NUP188: variants seen among roughly 807,000 people sequenced by gnomAD.
NUP188 encodes the protein nucleoporin 188, also known as nucleoporin NUP188.
NUP188 carries 97 observed loss-of-function variants against 223.0 expected under a neutral mutation model. The observed-to-expected ratio is 0.43, with a 90% CI of 0.37 to 0.51. The LOEUF (loss-of-function observed/expected upper bound fraction) is 0.51. Ranked by LOEUF, NUP188 falls within the 20% of genes least tolerant of loss-of-function variation. NUP188 has a pLI of 0.00. For synonymous variants in NUP188, 869 were observed against 828.0 expected, an observed-to-expected ratio of 1.05 and a Z score of -0.85; for missense variants, 1,947 against 2,175.6, an observed-to-expected ratio of 0.89 and a Z score of 2.09.
At position 128,958,820 on chromosome 9, in the gene NUP188, G is replaced by T; in HGVS notation, c.391G>T (p.Glu131Ter). ...TCCTCAGATTGCAGATTATTATTAT[G>T]AAGAAAGAACCTGTATTCTTCGTTG... ...LILKIADYYY[E>*]ERTCILRCVL... Residue 131 changes from glutamate to a stop codon, truncating the protein, a stop_gained, in exon 7 of 44, where the codon GAA becomes TAA. Coordinates refer to ENST00000372577, the MANE Select transcript of NUP188 (RefSeq NM_015354.3). LOFTEE classifies it high-confidence loss of function. 1 of 1,586,020 alleles carries T rather than the reference G, an allele frequency of 6.3e-7. No individual in the cohort carries two copies. The highest frequency in any genetic ancestry group is 1.2e-5 in the South Asian group (1 of 86,760).
chr9:128,999,490 C>G, intron 33 of NUP188, 134 bp from the exon 34 acceptor site: 1 of 1,173,776 alleles, frequency 8.5e-7, no homozygotes, highest in Non-Finnish European at 1.2e-6. Flanking sequence ...TCTCTCCCTC[C>G]TCTCCCACTG....
intron 27 of NUP188, among the ~76,000 whole-genome samples, chr9:128,994,061 A>C (rs1182380862): frequency 1.3e-5 from 2 of 152,168 alleles, no homozygotes; most frequent in Non-Finnish European, 2.9e-5. Context: ...GAGTGTTAAA[A>C]GGCTAAATTT....
In NUP188 at chr9:128,958,992, TTTACTC is replaced by T; in HGVS notation, c.466-20_466-15del. 1.3e-6 allele frequency: 2 copies of T among 1,497,044 alleles called. No individual in the cohort carries two copies. The highest frequency in any genetic ancestry group is 1.8e-6 in the Non-Finnish European group (2 of 1,100,174). The allele number at this position is 1,497,044 out of a possible 1,614,324, so 92.7% of individuals were successfully genotyped here. ...TATTTACCTTTTATTCTAGGTATAA[TTTACTC>T]TTTTGATTTTTTAAAGGTTGAATAT... On this transcript the variant is annotated splice_polypyrimidine_tract_variant and intron_variant, in intron 7 of 43. Transcript: ENST00000372577.
At chr9:128,963,811 T>TG (rs1210721416) in intron 8 of NUP188, among the ~76,000 whole-genome samples, 1 of 148,162 alleles carries the variant, frequency 6.7e-6, no homozygotes, top group Non-Finnish European at 1.5e-5. Flanking sequence ...TGTCTTATTG[T>TG]GGGTTTTTTT....
intron 24 of NUP188, 62 bp downstream of exon 24, chr9:128,988,248 TA>T: frequency 6.4e-7 from 1 of 1,574,656 alleles, no homozygotes; most frequent in Middle Eastern, 1.7e-4. Flanking sequence ...TTTTTGCTCA[TA>T]AATACGTATC....
chr9:128,960,253 T>C (rs1358471215), intron 8 of NUP188, among the ~76,000 whole-genome samples: 1 of 150,060 alleles, frequency 6.7e-6, no homozygotes, highest in Non-Finnish European at 1.5e-5. Context: ...GTTTTTTTTG[T>C]TTTTTGTTTT....
At chr9:128,999,379 C>CG in intron 33 of NUP188, 62 bp downstream of exon 33, 1 of 1,585,992 alleles carries the variant, frequency 6.3e-7, no homozygotes, top group Non-Finnish European at 8.6e-7. Context: ...GACAGCCAGG[C>CG]AGGGCTTCCT....
chr9:129,003,219 G>C, intron 37 of NUP188, 98 bp from the exon 38 acceptor site: 2 of 1,416,758 alleles, frequency 1.4e-6, no homozygotes, highest in South Asian at 2.6e-5. Flanking sequence ...CTCAGCATTT[G>C]GGGGCCTGGG....
At position 128,974,262 on chromosome 9, in the gene NUP188, C is replaced by G. The variant is rs144381645; in HGVS notation, c.1203+1013C>G. Among the ~76,000 whole-genome samples the G allele has an allele frequency of 1.4e-3, 213 of 151,622 alleles. 1 individual carries two copies. Among genetic ancestry groups the G allele is most frequent in the African/African-American group, 4.6e-3 (189 of 41,346 alleles). On this transcript the variant is annotated intron_variant, in intron 12 of 43. Transcript: ENST00000372577. Reference sequence around the variant, plus strand: ...CTCAGTATATTGCCCAGGCTGGTCTCAAACTCCAGGACTTCTCACCTCGGC... The same window carrying G: ...CTCAGTATATTGCCCAGGCTGGTCTGAAACTCCAGGACTTCTCACCTCGGC...
At chr9:128,991,290 A>G (rs1025025796) in intron 25 of NUP188, among the ~76,000 whole-genome samples, 2 of 150,910 alleles carry the variant, frequency 1.3e-5, no homozygotes, top group Non-Finnish European at 2.9e-5. Flanking sequence ...CTGTAATCCC[A>G]GTACTTTGGG....
At position 128,982,603 on chromosome 9, in the gene NUP188, A is replaced by G; in HGVS notation, c.1571A>G (p.Asp524Gly). 1 of 1,614,122 alleles carries G rather than the reference A, an allele frequency of 6.2e-7. No individual in the cohort carries two copies. ...PQGTVGQVML[D>G]DRAYLVRWEY... is the part of the protein sequence containing the mutation. ...GGCACTGTGGGCCAAGTAATGTTGGATGATAGGGCATACCTGGTACGCTGG... is the reference window on the plus strand; with the variant it reads ...GGCACTGTGGGCCAAGTAATGTTGGGTGATAGGGCATACCTGGTACGCTGG... The change falls in exon 16 of 44, where the codon GAT becomes GGT. Residue 524 changes from aspartate (D) to glycine (G), a missense_variant. Around this residue, in one of 3 missense-constraint regions of NUP188, gnomAD observed 817 missense variants for 865.8 expected, o/e 0.94. Coordinates refer to ENST00000372577, the MANE Select transcript of NUP188 (RefSeq NM_015354.3).
At chr9:128,997,517 T>G (rs1588290303) in intron 30 of NUP188, among the ~76,000 whole-genome samples, 1 of 152,134 alleles carries the variant, frequency 6.6e-6, no homozygotes, top group East Asian at 1.9e-4. Context: ...GGGAACAGGA[T>G]CTCACTATGT....
At chr9:129,001,861 T>C (rs1319070542) in intron 35 of NUP188, 23 bp from the exon 36 acceptor site, 2 of 1,611,110 alleles carry the variant, frequency 1.2e-6, no homozygotes, top group South Asian at 2.2e-5. Flanking sequence ...TCCATCTCAT[T>C]TCCTGTCTTT....
intron 8 of NUP188, chr9:128,964,214 C>T (rs920667093): frequency 1.4e-5 from 5 of 350,742 alleles, no homozygotes; most frequent in African/African-American, 1.1e-4. Context: ...TGTCTGTTCA[C>T]ATTTTTATCC....
At chr9:129,001,997 A>AG in intron 36 of NUP188, 21 bp downstream of exon 36, 1 of 1,600,792 alleles carries the variant, frequency 6.2e-7, no homozygotes, top group African/African-American at 1.3e-5. Flanking sequence ...GGAGCTTGCC[A>AG]GGAGGCCCAG....
In NUP188 at chr9:128,952,859, C is replaced by A. The variant is rs759674988; in HGVS notation, c.161+13C>A. 28 of 1,606,412 alleles carry A rather than the reference C, an allele frequency of 1.7e-5. No homozygotes were observed. The Admixed American group carries it at 2.2e-4, about 12-fold the overall frequency. On this transcript the variant is annotated intron_variant, in intron 3 of 43. Transcript: ENST00000372577. ...ACAAACCTCCCAGGTATGGCAGTTC[C>A]GGGTGTCTGGTTAAAGTAATTGTCC...
At chr9:128,953,274 C>T (rs574332174) in intron 3 of NUP188, among the ~76,000 whole-genome samples, 2 of 152,240 alleles carry the variant, frequency 1.3e-5, no homozygotes, top group African/African-American at 4.8e-5. Context: ...CCCACAACAC[C>T]CCTTTGAGAT....
At chr9:128,977,659 C>T (rs974874591) in intron 12 of NUP188, among the ~76,000 whole-genome samples, 3 of 151,926 alleles carry the variant, frequency 2.0e-5, no homozygotes, top group Non-Finnish European at 4.4e-5. Flanking sequence ...ATGAGCTGGG[C>T]GTGGTGGTGG....
Position 128,981,390 on chromosome 9 carries a change from G to A in NUP188, c.1516G>A (p.Gly506Arg), listed in dbSNP as rs1842251956. Residue 506 changes from glycine to arginine, a missense_variant and splice_region_variant, in exon 15 of 44, where the codon GGG (glycine) becomes AGG (arginine). Gly to Arg is a moderately radical substitution (Grantham distance 125). Around this residue, in one of 3 missense-constraint regions of NUP188, gnomAD observed 817 missense variants for 865.8 expected, o/e 0.94. Coordinates refer to ENST00000372577, the MANE Select transcript of NUP188 (RefSeq NM_015354.3). ...AACACCCAAACTCCTTTATCCCCTT[G>A]GTGAGATAAAGAGATCCCCCTTTTA... is the stretch of plus-strand genomic sequence containing the variant. ...RQTPKLLYPL[G>R]GQTNLRIPQG... The A allele has an allele frequency of 1.2e-6, 2 of 1,601,874 alleles. No homozygotes were observed. Among genetic ancestry groups the A allele is most frequent in the Non-Finnish European group, 1.7e-6 (2 of 1,176,624 alleles).
Sources: gnomAD v4.1 joint callset for allele counts (sites outside exome capture counted in the v4.1 genomes callset) on GRCh38, gnomAD v4.1.1 for gene constraint, gnomAD v4.1.1 regional missense constraint, MANE v1.5 for transcripts, NCBI Gene and HGNC (gene_info 2026-07-23, HGNC 2026-07-21) for gene names.